ASIC2: variants seen among roughly 807,000 people sequenced by gnomAD.
ASIC2 encodes the protein acid sensing ion channel subunit 2.
Under a neutral mutation model 57.3 loss-of-function variants are expected in ASIC2, and 25 were observed. The ratio of observed to expected loss-of-function variants is 0.44; its 90% CI spans 0.32 to 0.61. ASIC2 has a LOEUF of 0.61. Among genes scored for constraint, ASIC2 ranks in the 20% least tolerant of loss-of-function variants. The pLI is 0.06. For missense variants in ASIC2, 641 were observed against 738.1 expected, an observed-to-expected ratio of 0.87 and a Z score of 1.52; for synonymous variants, 319 against 307.5, an observed-to-expected ratio of 1.04 and a Z score of -0.39.
chr17:33,189,579 G>A (rs1161945776), intron 1 of ASIC2, among the ~76,000 whole-genome samples: 1 of 152,030 alleles, frequency 6.6e-6, no homozygotes, highest in African/African-American at 2.4e-5. Flanking sequence ...CTGACTTTAG[G>A]CATAAAGATA....
chr17:34,149,998 G>A (rs1359158371), intron 1 of ASIC2, among the ~76,000 whole-genome samples: 2 of 152,186 alleles, frequency 1.3e-5, no homozygotes, highest in Admixed American at 6.5e-5. Flanking sequence ...AGTGTCCATT[G>A]ATAGGTGAAT....
intron 1 of ASIC2, among the ~76,000 whole-genome samples, chr17:33,846,367 GC>G (rs1913601345): frequency 6.6e-6 from 1 of 152,102 alleles, no homozygotes; most frequent in Admixed American, 6.5e-5. Context: ...TGCTTCACCT[GC>G]CCAGTTCTGC....
At chr17:33,734,108 C>G (rs865844668) in intron 1 of ASIC2, among the ~76,000 whole-genome samples, 1 of 152,154 alleles carries the variant, frequency 6.6e-6, no homozygotes, top group African/African-American at 2.4e-5. Context: ...CCCCCTACCC[C>G]ACAGGCACAG....
chr17:33,886,597 A>G (rs7220906), intron 1 of ASIC2, among the ~76,000 whole-genome samples: 3,096 of 152,300 alleles, frequency 0.02, 101 homozygotes, highest in African/African-American at 0.071. Context: ...AGGAAGTTAA[A>G]CAAATATAGT....
At chr17:33,440,526 G>C (rs942482769) in intron 1 of ASIC2, among the ~76,000 whole-genome samples, 1 of 152,164 alleles carries the variant, frequency 6.6e-6, no homozygotes, top group Non-Finnish European at 1.5e-5. Context: ...AACTTCCGAG[G>C]AAGTGCCAAA....
chr17:33,467,966 G>C (rs1741609253), intron 1 of ASIC2, among the ~76,000 whole-genome samples: 1 of 152,188 alleles, frequency 6.6e-6, no homozygotes, highest in Non-Finnish European at 1.5e-5. Context: ...TACAGCATTT[G>C]ACCCTTTTCA....
At chr17:34,110,125 T>C (rs748086379) in intron 1 of ASIC2, among the ~76,000 whole-genome samples, 4 of 152,022 alleles carry the variant, frequency 2.6e-5, no homozygotes, top group Non-Finnish European at 5.9e-5. Flanking sequence ...TTTTCCCAAG[T>C]AAAATAAAAA....
chr17:33,879,063 A>AT (rs552134933), intron 1 of ASIC2, among the ~76,000 whole-genome samples: 154 of 152,282 alleles, frequency 1.0e-3, no homozygotes, highest in Non-Finnish European at 1.7e-3. Flanking sequence ...ATGCTGAGAG[A>AT]TTTTGTCACC....
intron 1 of ASIC2, among the ~76,000 whole-genome samples, chr17:33,957,637 C>A (rs2141989498): frequency 6.6e-6 from 1 of 152,234 alleles, no homozygotes; most frequent in East Asian, 1.9e-4. Context: ...CACCATGATT[C>A]AATTACCTCC....
At chr17:34,091,581 G>C (rs947372421) in intron 1 of ASIC2, among the ~76,000 whole-genome samples, 2 of 152,236 alleles carry the variant, frequency 1.3e-5, no homozygotes, top group African/African-American at 4.8e-5. Context: ...ACAGGTCATT[G>C]CAGGGAAGGG....
At chr17:33,283,466 C>A (rs967048085) in intron 1 of ASIC2, among the ~76,000 whole-genome samples, 4 of 152,150 alleles carry the variant, frequency 2.6e-5, no homozygotes, top group Non-Finnish European at 5.9e-5. Flanking sequence ...AGAAGCGTAG[C>A]CCCCTTAAGG....
At chr17:33,815,221 A>T (rs943556784) in intron 1 of ASIC2, among the ~76,000 whole-genome samples, 1 of 152,208 alleles carries the variant, frequency 6.6e-6, no homozygotes, top group Non-Finnish European at 1.5e-5. Flanking sequence ...GCCACCTCAC[A>T]TAGGCTCCGT....
intron 1 of ASIC2, among the ~76,000 whole-genome samples, chr17:33,199,145 T>C (rs548824609): frequency 6.6e-6 from 1 of 152,344 alleles, no homozygotes; most frequent in Admixed American, 6.5e-5. Flanking sequence ...TGTGGGCTGA[T>C]AACCATTTCG....
chr17:34,023,095 T>A (rs1408057667), intron 1 of ASIC2, among the ~76,000 whole-genome samples: 1 of 152,176 alleles, frequency 6.6e-6, no homozygotes, highest in South Asian at 2.1e-4. Flanking sequence ...CCTGTGGAAC[T>A]GAGAGTCAAT....
rs1366104741 is a variant in ASIC2 at position 33,818,604 on chromosome 17, G to T, written c.555+337374C>A. Among the ~76,000 whole-genome samples the T allele has an allele frequency of 2.6e-5, 4 of 152,182 alleles. No homozygotes were observed. The South Asian group carries it at 8.3e-4, about 32-fold the overall frequency. ...GGCTGTCACAACTACTGTGGGTGGG[G>T]CAAGTGACACAGGCATCTAATGGGT... On this transcript the variant is annotated intron_variant, in intron 1 of 9. Coordinates refer to the ASIC2 transcript ENST00000359872.
At chr17:34,118,174 G>T (rs1911484290) in intron 1 of ASIC2, among the ~76,000 whole-genome samples, 1 of 152,094 alleles carries the variant, frequency 6.6e-6, no homozygotes, top group Non-Finnish European at 1.5e-5. Context: ...ATCTTAGAAA[G>T]TTTACTTAAT....
intron 1 of ASIC2, among the ~76,000 whole-genome samples, chr17:33,573,156 G>A (rs1463810744): frequency 1.3e-5 from 2 of 152,132 alleles, no homozygotes; most frequent in African/African-American, 4.8e-5. Flanking sequence ...GATAAGCATG[G>A]TTCATATAAG....
At chr17:33,861,134 T>G (rs970406543) in intron 1 of ASIC2, among the ~76,000 whole-genome samples, 12 of 152,162 alleles carry the variant, frequency 7.9e-5, no homozygotes, top group African/African-American at 2.9e-4. Context: ...GTGTAACAGG[T>G]GGGTATTTCT....
chr17:33,484,047 G>A (rs1913500172), intron 1 of ASIC2, among the ~76,000 whole-genome samples: 1 of 152,270 alleles, frequency 6.6e-6, no homozygotes, highest in East Asian at 1.9e-4. Context: ...GCTGAAAAAG[G>A]CAAAGAAACA....
Sources: gnomAD v4.1 joint callset for allele counts (sites outside exome capture counted in the v4.1 genomes callset) on GRCh38, gnomAD v4.1.1 for gene constraint, MANE v1.5 for transcripts, NCBI Gene and HGNC (gene_info 2026-07-23, HGNC 2026-07-21) for gene names.